Variants in PHC1 observed in about 807,000 individuals in gnomAD.
PHC1 encodes the protein polyhomeotic homolog 1.
A neutral mutation model predicts 104.3 loss-of-function variants in PHC1; 12 were observed. The observed-to-expected ratio is 0.12, with a 90% CI of 0.07 to 0.19. The LOEUF is 0.19. PHC1 is among the 10% of genes least tolerant of loss of function. The probability of loss-of-function intolerance (pLI) is 1.00; values close to 1 mark genes in which losing one functional copy is unlikely to be tolerated. For missense variants in PHC1, 671 were observed against 1,200.0 expected, an observed-to-expected ratio of 0.56 and a Z score of 6.51; for synonymous variants, 302 against 455.8, an observed-to-expected ratio of 0.66 and a Z score of 4.30.
In PHC1 at chr12:8,933,301, T is replaced by C. The variant is rs1380171333; in HGVS notation, c.1844T>C (p.Val615Ala). 9.4e-6 allele frequency: 14 copies of C among 1,489,326 alleles called. No individual in the cohort carries two copies. Among genetic ancestry groups the C allele is most frequent in the Non-Finnish European group, 1.2e-5 (13 of 1,115,810 alleles). The allele number at this position is 1,489,326 out of a possible 1,614,324, so 92.3% of individuals were successfully genotyped here. Residue 615 changes from valine to alanine, a missense_variant, in exon 8 of 15, where the codon GTT becomes GCT. Transcript: ENST00000544916. The stretch of plus-strand genomic sequence containing the variant: ...GGTGGGGCTACCACCTCCTCACCTG[T>C]TGTAGCCCAGGTCCCTGCTGCCTTC... ...VKGGATTSSP[V>A]VAQVPAAFYM...
chr12:8,933,587 C>A, intron 8 of PHC1: 1 of 637,334 alleles, frequency 1.6e-6, no homozygotes. Flanking sequence ...ATCAAGATAG[C>A]CTTAACCAAA....
At chr12:8,938,413 C>T (rs1282666580) in intron 14 of PHC1, among the ~76,000 whole-genome samples, 1 of 151,392 alleles carries the variant, frequency 6.6e-6, no homozygotes, top group Non-Finnish European at 1.5e-5. Context: ...ATTGTTGCCC[C>T]ACTCTTCAAA....
At chr12:8,929,819 C>A in intron 6 of PHC1, among the ~76,000 whole-genome samples, 1 of 152,188 alleles carries the variant, frequency 6.6e-6, no homozygotes, top group Non-Finnish European at 1.5e-5. Context: ...AGCGCCCAGC[C>A]TAAATAATAA....
At chr12:8,928,681 C>T (rs1465186690) in intron 6 of PHC1, among the ~76,000 whole-genome samples, 1 of 152,146 alleles carries the variant, frequency 6.6e-6, no homozygotes, top group Non-Finnish European at 1.5e-5. Context: ...CAACAATTAT[C>T]GACACATGAC....
intron 3 of PHC1, among the ~76,000 whole-genome samples, chr12:8,920,380 G>A (rs889805421): frequency 3.9e-5 from 6 of 152,156 alleles, no homozygotes; most frequent in Non-Finnish European, 5.9e-5. Flanking sequence ...CTCTGGACTA[G>A]ACTTTTACTG....
chr12:8,918,249 A>G (rs903538643), intron 2 of PHC1, among the ~76,000 whole-genome samples: 1 of 152,246 alleles, frequency 6.6e-6, no homozygotes. Context: ...AAATAGTTCT[A>G]ATTATTAAAG....
At chr12:8,934,133 G>C (rs1010680767) in intron 9 of PHC1, 121 bp downstream of exon 9, 1 of 1,347,704 alleles carries the variant, frequency 7.4e-7, no homozygotes, top group Non-Finnish European at 1.0e-6. Context: ...CAAATGAATA[G>C]ATCCAAAAAC....
Position 8,921,069 on chromosome 12 carries a change from A to T in PHC1, c.306+4A>T. 1 of 1,607,498 alleles carries T rather than the reference A, an allele frequency of 6.2e-7. No individual in the cohort carries two copies. The highest frequency in any genetic ancestry group is 1.3e-5 in the African/African-American group (1 of 74,676). On this transcript the variant is annotated splice_donor_region_variant and intron_variant, in intron 4 of 14. Transcript: ENST00000544916. ...GACTACCACCACCCAGGCCTCGGTG[A>T]GTACGCCCTCTCCCACTGAGAGGCT...
At chr12:8,937,049 G>T in intron 12 of PHC1, 85 bp downstream of exon 12, 1 of 1,380,198 alleles carries the variant, frequency 7.2e-7, no homozygotes. Context: ...TCTCATAGCT[G>T]ATATTTTATG....
chr12:8,921,448 C>A (rs1945360425), intron 4 of PHC1, among the ~76,000 whole-genome samples, 153 bp from the exon 5 acceptor site: 1 of 152,106 alleles, frequency 6.6e-6, no homozygotes. Flanking sequence ...GCCAGGATGA[C>A]AGTTTTGGAT....
rs1321652027 is a variant in PHC1, at chr12:8,940,575, G to C, written c.*1116G>C. 1 of 81,286 alleles carries C rather than the reference G, an allele frequency of 1.2e-5. No individual in the cohort carries two copies. The highest frequency in any genetic ancestry group is 1.4e-4 in the Admixed American group (1 of 7,120). The allele number at this position is 81,286 out of a possible 1,614,324, so 5.0% of individuals were successfully genotyped here. ...AAATAGTTTCATTTTCTTTTCCTAA[G>C]GCTTATAAAAGGCCCCCTGCCTGTT... On this transcript the variant is annotated 3_prime_UTR_variant, in exon 15 of 15. Coordinates refer to ENST00000544916, the MANE Select transcript of PHC1 (RefSeq NM_004426.3).
intron 4 of PHC1, 116 bp downstream of exon 4, chr12:8,921,181 G>C (rs1945352370): frequency 1.4e-6 from 1 of 712,948 alleles, no homozygotes; most frequent in South Asian, 1.9e-5. Context: ...GATAGTTACT[G>C]CTTTTAAGTA....
Position 8,917,632 on chromosome 12 carries a change from C to T in PHC1, c.-46C>T. On this transcript the variant is annotated splice_region_variant and 5_prime_UTR_variant, in exon 2 of 15. Coordinates refer to ENST00000544916, the MANE Select transcript of PHC1 (RefSeq NM_004426.3). ...AACCTTTTACTGCTTCCCTCTAGGT[C>T]TTGAGTCAGACAGAGCACCAGCCTT... 4.4e-6 allele frequency: 4 copies of T among 914,524 alleles called. No individual in the cohort carries two copies. The highest frequency in any genetic ancestry group is 6.5e-6 in the Non-Finnish European group (4 of 614,278). The allele number at this position is 914,524 out of a possible 1,614,324, so 56.7% of individuals were successfully genotyped here. A position where few individuals can be genotyped will look rare whatever the true frequency, so the allele number is the denominator to read the frequency against.
At position 8,937,276 on chromosome 12, in the gene PHC1, C is replaced by T. The variant is rs757860354; in HGVS notation, c.2578C>T (p.Arg860Cys). ...YARVRRRGPR[R>C]SSSDIARAKI... The stretch of plus-strand genomic sequence containing the variant: ...TCGCGTTCGCAGGCGTGGACCCCGC[C>T]GCAGCTCCTCTGACATTGCCCGTGC... The change falls in exon 13 of 15, where the codon CGC becomes TGC. Residue 860 changes from arginine to cysteine, a missense_variant. By Grantham distance (180) the Arg-to-Cys change is radical. Coordinates refer to ENST00000544916, the MANE Select transcript of PHC1 (RefSeq NM_004426.3). 44 of 1,611,724 alleles carry T rather than the reference C, an allele frequency of 2.7e-5. No individual in the cohort carries two copies. Among genetic ancestry groups the T allele is most frequent in the Non-Finnish European group, 3.1e-5 (37 of 1,179,010 alleles).
intron 5 of PHC1, 42 bp from the exon 6 acceptor site, chr12:8,922,591 C>G: frequency 6.6e-7 from 1 of 1,522,610 alleles, no homozygotes. Context: ...TCTCTTCTTT[C>G]CCTCTTGTCC....
chr12:8,928,320 A>G (rs1307741495), intron 6 of PHC1, among the ~76,000 whole-genome samples: 3 of 152,208 alleles, frequency 2.0e-5, no homozygotes, highest in Non-Finnish European at 4.4e-5. Context: ...AAGAAAATAT[A>G]TGTTGTTACT....
At position 8,933,746 on chromosome 12, in the gene PHC1, T is replaced by C. The variant is rs779687377; in HGVS notation, c.1894-119T>C. 15 of 759,302 alleles carry C rather than the reference T, an allele frequency of 2.0e-5. No individual in the cohort carries two copies. The East Asian group carries it at 3.2e-4, about 16-fold the overall frequency. 47.0% of individuals were successfully genotyped at this position (759,302 alleles called of 1,614,324 possible). On this transcript the variant is annotated intron_variant, in intron 8 of 14. Transcript: ENST00000544916. ...AGGAATTTTAGTGTACCATGGGAAG[T>C]AGATAAATTGGGAAATCTGGAACTA...
At chr12:8,932,451 A>T (rs770697664) in intron 7 of PHC1, 112 bp from the exon 8 acceptor site, 1 of 1,153,312 alleles carries the variant, frequency 8.7e-7, no homozygotes, top group African/African-American at 1.5e-5. Flanking sequence ...TTTTCACCGC[A>T]TAATTCCAAA....
chr12:8,927,371 TC>T (rs1945545743), intron 6 of PHC1, among the ~76,000 whole-genome samples: 1 of 152,026 alleles, frequency 6.6e-6, no homozygotes, highest in Non-Finnish European at 1.5e-5. Context: ...AATGTGCAGT[TC>T]CTACATGGTG....
Sources: gnomAD v4.1 joint callset for allele counts (sites outside exome capture counted in the v4.1 genomes callset) on GRCh38, gnomAD v4.1.1 for gene constraint, MANE v1.5 for transcripts, NCBI Gene and HGNC (gene_info 2026-07-23, HGNC 2026-07-21) for gene names.